RIMS1: variants seen among roughly 807,000 people sequenced by gnomAD.
The protein encoded by RIMS1 is regulating synaptic membrane exocytosis protein 1.
RIMS1 carries 83 observed loss-of-function variants against 214.1 expected under a neutral mutation model. That is an observed-to-expected ratio of 0.39 (90% CI 0.32 to 0.47). The LOEUF (loss-of-function observed/expected upper bound fraction) is 0.47, where lower values mean the gene tolerates loss of function less well. RIMS1 is among the 20% of genes least tolerant of loss of function. The probability of loss-of-function intolerance (pLI) is 0.99; values close to 1 mark genes in which losing one functional copy is unlikely to be tolerated. For missense variants in RIMS1, 2,050 were observed against 2,161.8 expected (o/e 0.95, Z 1.03); for synonymous variants, 793 against 786.8 (o/e 1.01, Z -0.13).
At chr6:71,943,684 T>A (rs1452914065) in intron 1 of RIMS1, among the ~76,000 whole-genome samples, 1 of 152,182 alleles carries the variant, frequency 6.6e-6, no homozygotes, top group Non-Finnish European at 1.5e-5. Context: ...GCAATAAGCA[T>A]TTTTTCCTTT....
chr6:72,076,260 T>C (rs865835529), intron 2 of RIMS1, among the ~76,000 whole-genome samples: 4 of 152,200 alleles, frequency 2.6e-5, no homozygotes, highest in African/African-American at 9.7e-5. Flanking sequence ...ACTCAGTATA[T>C]TAGCTTAGGC....
intron 4 of RIMS1, among the ~76,000 whole-genome samples, chr6:72,152,564 A>G (rs1461900782): frequency 6.6e-6 from 1 of 152,010 alleles, no homozygotes; most frequent in Non-Finnish European, 1.5e-5. Flanking sequence ...GTGTATATCT[A>G]CAATGTATGT....
rs1422775057 is a variant in RIMS1, at chr6:72,163,308, A to G, written c.472-16267A>G. ...TGTCTAATTTTTTTTCAAGGCTTTT[A>G]ACTTCTTTGCCATGGGTTCAAACTT... On this transcript the variant is annotated intron_variant, in intron 4 of 33. Coordinates refer to ENST00000521978, the MANE Select transcript of RIMS1 (RefSeq NM_014989.7). Among the ~76,000 whole-genome samples the G allele has an allele frequency of 1.4e-5, 2 of 139,774 alleles. 1 individual carries two copies. Among genetic ancestry groups the G allele is most frequent in the Non-Finnish European group, 3.2e-5 (2 of 61,598 alleles). The allele number at this position is 139,774 out of a possible 152,430, so 91.7% of individuals were successfully genotyped here.
intron 31 of RIMS1, among the ~76,000 whole-genome samples, chr6:72,396,057 A>G (rs1443714121): frequency 1.3e-5 from 2 of 152,124 alleles, no homozygotes; most frequent in Admixed American, 6.5e-5. Flanking sequence ...TAAAAATAAT[A>G]TTATCACAAC....
intron 4 of RIMS1, among the ~76,000 whole-genome samples, chr6:72,149,256 A>C (rs750792447): frequency 3.9e-5 from 6 of 152,224 alleles, no homozygotes; most frequent in Non-Finnish European, 7.3e-5. Context: ...AGTTTGCAAC[A>C]GCACCTTTAA....
chr6:72,332,302 A>G (rs977319160), intron 28 of RIMS1, among the ~76,000 whole-genome samples: 6 of 151,838 alleles, frequency 4.0e-5, no homozygotes, highest in Admixed American at 3.3e-4. Context: ...TAAGAGGGTC[A>G]TTTTAGGTGT....
At chr6:72,379,687 A>G (rs1198651133) in intron 29 of RIMS1, among the ~76,000 whole-genome samples, 1 of 152,196 alleles carries the variant, frequency 6.6e-6, no homozygotes, top group East Asian at 1.9e-4. Context: ...CTTTACATGA[A>G]TTATCTCGTT....
chr6:72,320,345 C>G lies in RIMS1; in HGVS notation c.4130+6673C>G, dbSNP rs530542402. 2.6e-5 allele frequency among the ~76,000 whole-genome samples: 4 copies of G among 152,206 alleles called. No homozygotes were observed. The South Asian group carries it at 8.3e-4, about 32-fold the overall frequency. ...AGCAACTTCAACTAAAGCAGTTCTA[C>G]TAGTATTTGTTTAGTACAACAGAAG... On this transcript the variant is annotated intron_variant, in intron 28 of 33. Coordinates refer to ENST00000521978, the MANE Select transcript of RIMS1 (RefSeq NM_014989.7).
At chr6:71,986,817 G>A (rs1310552789) in intron 2 of RIMS1, among the ~76,000 whole-genome samples, 1 of 152,238 alleles carries the variant, frequency 6.6e-6, no homozygotes, top group African/African-American at 2.4e-5. Flanking sequence ...ATGGGCAATA[G>A]CCCAAGGGTG....
chr6:72,126,924 C>T (rs2039636610), intron 4 of RIMS1, among the ~76,000 whole-genome samples: 1 of 152,146 alleles, frequency 6.6e-6, no homozygotes, highest in Non-Finnish European at 1.5e-5. Context: ...AATCCCACTA[C>T]TGGGTATCTA....
intron 2 of RIMS1, among the ~76,000 whole-genome samples, chr6:72,079,521 G>A (rs1465024147): frequency 2.6e-5 from 4 of 152,128 alleles, no homozygotes; most frequent in Non-Finnish European, 5.9e-5. Flanking sequence ...TCAGAAAGTT[G>A]AACACCCTTC....
chr6:72,016,550 T>A (rs1158699273), intron 2 of RIMS1, among the ~76,000 whole-genome samples: 1 of 152,214 alleles, frequency 6.6e-6, no homozygotes, highest in Non-Finnish European at 1.5e-5. Flanking sequence ...TTATTCAGTA[T>A]CTTTTCTTGA....
intron 6 of RIMS1, among the ~76,000 whole-genome samples, chr6:72,214,866 C>A (rs897006719): frequency 3.9e-5 from 6 of 151,998 alleles, no homozygotes; most frequent in Admixed American, 3.3e-4. Flanking sequence ...GGATTACAGG[C>A]ACCCACCACC....
intron 4 of RIMS1, among the ~76,000 whole-genome samples, chr6:72,104,538 A>G (rs953488288): frequency 2.0e-5 from 3 of 152,102 alleles, no homozygotes; most frequent in Non-Finnish European, 2.9e-5. Flanking sequence ...GGGATAAGAA[A>G]TGTTGGTAGC....
intron 6 of RIMS1, among the ~76,000 whole-genome samples, chr6:72,184,749 G>A (rs1296758810): frequency 1.6e-5 from 2 of 127,470 alleles, no homozygotes; most frequent in African/African-American, 6.4e-5. Flanking sequence ...TTAATGCAAG[G>A]TGCTTTATTC....
intron 2 of RIMS1, among the ~76,000 whole-genome samples, chr6:71,974,956 C>T (rs1034195421): frequency 2.0e-5 from 3 of 152,086 alleles, no homozygotes; most frequent in East Asian, 1.9e-4. Context: ...GGAATATAAA[C>T]GGGTGATGGG....
At chr6:72,249,778 A>C (rs900443373) in intron 12 of RIMS1, among the ~76,000 whole-genome samples, 5 of 152,150 alleles carry the variant, frequency 3.3e-5, no homozygotes. Flanking sequence ...CTAAAAAATA[A>C]AAAAATAAGT....
intron 22 of RIMS1, among the ~76,000 whole-genome samples, chr6:72,269,097 T>C (rs2081869235): frequency 1.3e-5 from 2 of 152,174 alleles, no homozygotes; most frequent in South Asian, 4.1e-4. Flanking sequence ...ATATCCTTGA[T>C]GAAGGCTTAT....
intron 2 of RIMS1, among the ~76,000 whole-genome samples, chr6:72,073,078 C>A (rs1242040894): frequency 6.6e-6 from 1 of 152,030 alleles, no homozygotes; most frequent in Non-Finnish European, 1.5e-5. Context: ...TATTTCGAGC[C>A]CTGACTGTGG....
Sources: allele counts gnomAD v4.1 joint callset (sites outside exome capture counted in the v4.1 genomes callset), GRCh38; gene constraint gnomAD v4.1.1; transcripts MANE v1.5; gene names NCBI Gene and HGNC (gene_info 2026-07-23, HGNC 2026-07-21).